Variants in ZZEF1 observed in about 807,000 individuals in gnomAD.
ZZEF1 encodes the protein zinc finger ZZ-type and EF-hand domain-containing protein 1.
Under a neutral mutation model 342.8 loss-of-function variants are expected in ZZEF1, and 157 were observed. That is an observed-to-expected ratio of 0.46 (90% CI 0.40 to 0.52). The LOEUF is 0.52. Among genes scored for constraint, ZZEF1 ranks in the 20% least tolerant of loss-of-function variants. The pLI, the probability that ZZEF1 is intolerant of heterozygous loss-of-function variation, is 0.00. For missense variants in ZZEF1, 3,480 were observed against 3,725.6 expected, an observed-to-expected ratio of 0.93 and a Z score of 1.72; for synonymous variants, 1,505 against 1,429.1, an observed-to-expected ratio of 1.05 and a Z score of -1.20.
chr17:4,100,117 G>C (rs1347567135), intron 9 of ZZEF1, among the ~76,000 whole-genome samples: 1 of 152,134 alleles, frequency 6.6e-6, no homozygotes, highest in Non-Finnish European at 1.5e-5. Context: ...TTGTCCAAAA[G>C]TGGTACTTCC....
At chr17:4,084,536 C>T (rs2057783597) in intron 16 of ZZEF1, among the ~76,000 whole-genome samples, 1 of 152,158 alleles carries the variant, frequency 6.6e-6, no homozygotes, top group African/African-American at 2.4e-5. Context: ...TGTGTTTTAC[C>T]ATCATTGTAA....
At chr17:4,030,973 G>C (rs1035694733) in intron 42 of ZZEF1, among the ~76,000 whole-genome samples, 8 of 152,138 alleles carry the variant, frequency 5.3e-5, no homozygotes, top group African/African-American at 1.9e-4. Context: ...GAGGTCGGGA[G>C]TTTGAGACCA....
chr17:4,006,709 G>A lies in ZZEF1; in HGVS notation c.*181C>T, dbSNP rs1322213381. On this transcript the variant is annotated 3_prime_UTR_variant, in exon 55 of 55. Coordinates refer to ENST00000381638, the MANE Select transcript of ZZEF1 (RefSeq NM_015113.4). The stretch of plus-strand genomic sequence containing the variant: ...TTATTTTCACCATGCTACAGCCTGT[G>A]CTTGTGTCCAGCCTACGCACGGGAG... The A allele has an allele frequency of 2.9e-6, 2 of 683,640 alleles. No homozygotes were observed. Among genetic ancestry groups the A allele is most frequent in the Non-Finnish European group, 5.3e-6 (2 of 380,638 alleles). 42.3% of individuals were successfully genotyped at this position (683,640 alleles called of 1,614,324 possible). A position where few individuals can be genotyped will look rare whatever the true frequency, so the allele number is the denominator to read the frequency against.
rs2056062664 is a variant in ZZEF1 at position 4,014,940 on chromosome 17, C to T, written c.8146-425G>A. ...AGGGTGTGCTACATGGGCACGTATGCTTGGGAAGCAGGAACAGGGACAAGA... is the reference window on the plus strand; with the variant it reads ...AGGGTGTGCTACATGGGCACGTATGTTTGGGAAGCAGGAACAGGGACAAGA... On this transcript the variant is annotated intron_variant, in intron 49 of 54. Coordinates refer to ENST00000381638, the MANE Select transcript of ZZEF1 (RefSeq NM_015113.4). This position sits in a 1 kb window ranked among gnomAD's most constrained non-coding sequence, Gnocchi z 4.4. Among the ~76,000 whole-genome samples, 1 of 152,114 alleles carries T rather than the reference C, an allele frequency of 6.6e-6. No individual in the cohort carries two copies. The highest frequency in any genetic ancestry group is 2.1e-4 in the South Asian group (1 of 4,828).
intron 2 of ZZEF1, 126 bp downstream of exon 2, chr17:4,123,781 G>A (rs897525965): frequency 4.6e-5 from 49 of 1,071,290 alleles, no homozygotes; most frequent in Non-Finnish European, 5.5e-5. Context: ...TGCTAATTCA[G>A]ATCGGGAGCC....
intron 1 of ZZEF1, among the ~76,000 whole-genome samples, chr17:4,134,975 C>A (rs2058725760): frequency 6.6e-6 from 1 of 151,990 alleles, no homozygotes; most frequent in East Asian, 1.9e-4. Flanking sequence ...CTATGACCTG[C>A]CTGGTGTGGC....
chr17:4,044,140 G>A, intron 38 of ZZEF1, 84 bp downstream of exon 38: 1 of 1,490,470 alleles, frequency 6.7e-7, no homozygotes, highest in Non-Finnish European at 9.2e-7. Context: ...CCAATGTCAA[G>A]CTGTGTGCCA....
At chr17:4,087,092 G>C (rs2057846482) in intron 14 of ZZEF1, among the ~76,000 whole-genome samples, 1 of 152,088 alleles carries the variant, frequency 6.6e-6, no homozygotes, top group Non-Finnish European at 1.5e-5. Context: ...ATATTGGCCA[G>C]GCTGGTCTCG....
chr17:4,081,721 T>C (rs1252098291), intron 17 of ZZEF1, among the ~76,000 whole-genome samples: 2 of 152,168 alleles, frequency 1.3e-5, no homozygotes, highest in African/African-American at 4.8e-5. Flanking sequence ...GATGAGACCC[T>C]GAGGTAGAAG....
intron 3 of ZZEF1, among the ~76,000 whole-genome samples, chr17:4,116,179 C>T (rs557859721): frequency 2.0e-5 from 3 of 152,202 alleles, no homozygotes; most frequent in East Asian, 1.9e-4. Flanking sequence ...ATTAGCCGGG[C>T]GTGGTGGCAC....
intron 37 of ZZEF1, 107 bp downstream of exon 37, chr17:4,049,601 C>T: frequency 7.6e-7 from 1 of 1,310,264 alleles, no homozygotes; most frequent in South Asian, 1.5e-5. Flanking sequence ...ATCCAGCAGT[C>T]TGGGTTAGGA....
At chr17:4,138,262 T>C (rs962208652) in intron 1 of ZZEF1, among the ~76,000 whole-genome samples, 1 of 152,200 alleles carries the variant, frequency 6.6e-6, no homozygotes, top group African/African-American at 2.4e-5. Context: ...AAAGGGCAGA[T>C]AATCACATCT....
At chr17:4,015,502 C>G (rs1021087687) in intron 49 of ZZEF1, among the ~76,000 whole-genome samples, 1 of 152,238 alleles carries the variant, frequency 6.6e-6, no homozygotes, top group South Asian at 2.1e-4. Context: ...AGGTGGCTCA[C>G]GCCTGTAATC....
intron 32 of ZZEF1, among the ~76,000 whole-genome samples, chr17:4,057,585 T>C (rs1419406300): frequency 2.0e-5 from 3 of 152,118 alleles, no homozygotes; most frequent in African/African-American, 7.2e-5. Context: ...TAACATAACA[T>C]ATACATGTAA....
intron 32 of ZZEF1, 149 bp downstream of exon 32, chr17:4,057,845 T>C: frequency 1.4e-6 from 1 of 693,738 alleles, no homozygotes; most frequent in East Asian, 2.9e-5. Context: ...TTATAAGACT[T>C]GCGCAAGGCC....
intron 42 of ZZEF1, among the ~76,000 whole-genome samples, chr17:4,029,637 A>G (rs2056493705): frequency 6.6e-6 from 1 of 152,148 alleles, no homozygotes; most frequent in Non-Finnish European, 1.5e-5. Flanking sequence ...GCACTTTGGA[A>G]GGCTGAGGCG....
chr17:4,107,564 T>A (rs970068633), intron 6 of ZZEF1, among the ~76,000 whole-genome samples: 1 of 152,176 alleles, frequency 6.6e-6, no homozygotes, highest in Non-Finnish European at 1.5e-5. Flanking sequence ...AAGAAGGGCA[T>A]CTGTGCAAGG....
At chr17:4,108,691 G>A (rs922314630) in intron 6 of ZZEF1, among the ~76,000 whole-genome samples, 1 of 152,168 alleles carries the variant, frequency 6.6e-6, no homozygotes, top group African/African-American at 2.4e-5. Context: ...GGCACAGGCA[G>A]GCAAATTACT....
chr17:4,035,027 A>G (rs1023606512), intron 39 of ZZEF1, among the ~76,000 whole-genome samples: 4 of 151,862 alleles, frequency 2.6e-5, no homozygotes, highest in Non-Finnish European at 5.9e-5. Flanking sequence ...CTGTGTGTGT[A>G]TATATATATA....
Sources: allele counts gnomAD v4.1 joint callset (sites outside exome capture counted in the v4.1 genomes callset), GRCh38; gene constraint gnomAD v4.1.1; non-coding constraint Gnocchi (gnomAD v3.1); transcripts MANE v1.5; gene names NCBI Gene and HGNC (gene_info 2026-07-23, HGNC 2026-07-21).